LGR4: variants seen among roughly 807,000 people sequenced by gnomAD.
The protein encoded by LGR4 is leucine rich repeat containing G protein-coupled receptor 4, also known as leucine-rich repeat-containing G protein-coupled receptor 4.
LGR4 carries 44 observed loss-of-function variants against 84.8 expected under a neutral mutation model. The observed-to-expected ratio is 0.52, with a 90% CI of 0.41 to 0.67. The LOEUF (loss-of-function observed/expected upper bound fraction) is 0.67, where lower values mean the gene tolerates loss of function less well. Ranked by LOEUF, LGR4 falls within the 30% of genes least tolerant of loss-of-function variation. LGR4 has a pLI of 0.00. For synonymous variants in LGR4, 429 were observed against 434.3 expected, an observed-to-expected ratio of 0.99 and a Z score of 0.15; for missense variants, 1,032 against 1,131.4, an observed-to-expected ratio of 0.91 and a Z score of 1.26.
intron 2 of LGR4, among the ~76,000 whole-genome samples, chr11:27,410,345 C>A (rs531203009): frequency 1.3e-5 from 2 of 152,190 alleles, no homozygotes; most frequent in African/African-American, 4.8e-5. Context: ...CCCAATACCC[C>A]AAGCATTCTA....
chr11:27,380,204 C>CTGGCA (rs1863064999), intron 10 of LGR4, 67 bp downstream of exon 10: 2 of 992,266 alleles, frequency 2.0e-6, no homozygotes, highest in East Asian at 4.9e-5. Context: ...CTAAAAGACC[C>CTGGCA]TGGCACCCTG....
intron 1 of LGR4, among the ~76,000 whole-genome samples, chr11:27,453,832 C>A (rs915012645): frequency 6.6e-6 from 1 of 152,170 alleles, no homozygotes; most frequent in African/African-American, 2.4e-5. Context: ...CTGAATGGAA[C>A]CCTCCTCTTG....
In LGR4 at chr11:27,376,383, A is replaced by C. The variant is rs752043994; in HGVS notation, c.1110-13T>G. 1.8e-5 allele frequency: 24 copies of C among 1,319,032 alleles called. No homozygotes were observed. The East Asian group carries it at 5.6e-4, about 31-fold the overall frequency. The allele number at this position is 1,319,032 out of a possible 1,614,324, so 81.7% of individuals were successfully genotyped here. A position where few individuals can be genotyped will look rare whatever the true frequency, so the allele number is the denominator to read the frequency against. ...ACGCTGTAAAGAACTAAATAAAAAA[A>C]GAAGAAGAAAGAAGACGAAGACAAA... On this transcript the variant is annotated splice_polypyrimidine_tract_variant and intron_variant, in intron 12 of 17. Transcript: ENST00000379214.
At chr11:27,465,800 GA>G (rs1236791329) in intron 1 of LGR4, among the ~76,000 whole-genome samples, 1 of 152,182 alleles carries the variant, frequency 6.6e-6, no homozygotes, top group Non-Finnish European at 1.5e-5. Flanking sequence ...AGGCACAAAA[GA>G]AATGTCAAGA....
In LGR4 at chr11:27,368,754, T is replaced by C; in HGVS notation, c.1969A>G (p.Asn657Asp). 1 of 1,613,990 alleles carries C rather than the reference T, an allele frequency of 6.2e-7. No individual in the cohort carries two copies. ...AKDIMKNGKS[N>D]HLKQFRVAAL... is the part of the protein sequence containing the mutation. ...GCAACCCGGAACTGTTTGAGATGAT[T>C]GCTCTTCCCATTTTTCATTATATCT... Residue 657 changes from asparagine (N) to aspartate (D), a missense_variant, in exon 18 of 18, where the codon AAT becomes GAT. Asn to Asp is a conservative substitution (Grantham distance 23, BLOSUM62 1). Coordinates refer to ENST00000379214, the MANE Select transcript of LGR4 (RefSeq NM_018490.5).
At chr11:27,379,030 C>A (rs767874003) in intron 10 of LGR4, 8 of 463,152 alleles carry the variant, frequency 1.7e-5, no homozygotes, top group Non-Finnish European at 3.0e-5. Context: ...AGGAGGAAAA[C>A]ACTAATCTAC....
chr11:27,453,061 T>C (rs968675885), intron 1 of LGR4, among the ~76,000 whole-genome samples: 1 of 151,944 alleles, frequency 6.6e-6, no homozygotes, highest in Non-Finnish European at 1.5e-5. Context: ...GTTGTCACTA[T>C]GGGGTAGGGA....
intron 1 of LGR4, among the ~76,000 whole-genome samples, chr11:27,453,773 G>C (rs1864525831): frequency 6.6e-6 from 1 of 152,204 alleles, no homozygotes; most frequent in Non-Finnish European, 1.5e-5. Flanking sequence ...AAAGTTGAAA[G>C]AGTACTGATT....
intron 6 of LGR4, among the ~76,000 whole-genome samples, chr11:27,383,268 GCT>G (rs1863131782): frequency 1.3e-5 from 2 of 152,262 alleles, no homozygotes; most frequent in Non-Finnish European, 2.9e-5. Flanking sequence ...AAAATTAAAA[GCT>G]CAGCTCCTTT....
At chr11:27,417,121 G>A (rs925198577) in intron 1 of LGR4, among the ~76,000 whole-genome samples, 1 of 151,978 alleles carries the variant, frequency 6.6e-6, no homozygotes, top group African/African-American at 2.4e-5. Context: ...CCTCCTATTT[G>A]TATTAGATAA....
At chr11:27,402,735 T>C (rs1367553168) in intron 2 of LGR4, among the ~76,000 whole-genome samples, 2 of 152,160 alleles carry the variant, frequency 1.3e-5, no homozygotes, top group Non-Finnish European at 2.9e-5. Context: ...AATAGAAGCA[T>C]TGTGCGGTAT....
At chr11:27,380,828 T>G in intron 8 of LGR4, 67 bp downstream of exon 8, 1 of 1,168,530 alleles carries the variant, frequency 8.6e-7, no homozygotes, top group Non-Finnish European at 1.3e-6. Context: ...TTTATCAGGG[T>G]GTTTGGCATT....
rs879451978 is a variant in LGR4 at position 27,460,892 on chromosome 11, C to CT, written c.185+11225dup. On this transcript the variant is annotated intron_variant, in intron 1 of 17. Coordinates refer to ENST00000379214, the MANE Select transcript of LGR4 (RefSeq NM_018490.5). The stretch of plus-strand genomic sequence containing the variant: ...ATGGTAATGGGAAAAACATCTCAAA[C>CT]TTTTTTTTTTTTTTAAAGAAGGAGA... Among the ~76,000 whole-genome samples the CT allele has an allele frequency of 2.5e-3, 367 of 144,202 alleles. 1 individual carries two copies. Among genetic ancestry groups the CT allele is most frequent in the African/African-American group, 6.2e-3 (244 of 39,486 alleles). 94.6% of individuals were successfully genotyped at this position (144,202 alleles called of 152,430 possible).
chr11:27,413,720 C>T (rs978793635), intron 1 of LGR4, among the ~76,000 whole-genome samples: 3 of 152,110 alleles, frequency 2.0e-5, no homozygotes, highest in East Asian at 3.9e-4. Context: ...TCTCTAGAAC[C>T]TGGCATGAAA....
chr11:27,377,771 A>T (rs1863014208), intron 11 of LGR4, among the ~76,000 whole-genome samples: 1 of 152,116 alleles, frequency 6.6e-6, no homozygotes, highest in African/African-American at 2.4e-5. Context: ...TTTTTCCTCA[A>T]CAGTGATCAT....
intron 1 of LGR4, among the ~76,000 whole-genome samples, chr11:27,465,837 AAG>A (rs1248815053): frequency 6.6e-6 from 1 of 152,236 alleles, no homozygotes; most frequent in East Asian, 1.9e-4. Flanking sequence ...GCCATTGTGT[AAG>A]AGTACTGATT....
intron 1 of LGR4, among the ~76,000 whole-genome samples, chr11:27,435,304 G>T (rs1864189162): frequency 6.6e-6 from 1 of 151,792 alleles, no homozygotes; most frequent in African/African-American, 2.4e-5. Flanking sequence ...CTATACTCCA[G>T]CCTGGGCAAC....
chr11:27,377,461 T>C (rs1863006648), intron 11 of LGR4, among the ~76,000 whole-genome samples: 1 of 151,730 alleles, frequency 6.6e-6, no homozygotes. Context: ...CTAATATATG[T>C]AAAAATACAT....
intron 13 of LGR4, among the ~76,000 whole-genome samples, chr11:27,375,525 C>G (rs1862960709): frequency 6.6e-6 from 1 of 152,106 alleles, no homozygotes; most frequent in African/African-American, 2.4e-5. Flanking sequence ...GATAGATACT[C>G]CAGTGCAGGG....
Sources: allele counts gnomAD v4.1 joint callset (sites outside exome capture counted in the v4.1 genomes callset), GRCh38; gene constraint gnomAD v4.1.1; transcripts MANE v1.5; gene names NCBI Gene and HGNC (gene_info 2026-07-23, HGNC 2026-07-21).